UBE2H: variants seen among roughly 807,000 people sequenced by gnomAD.
UBE2H encodes ubiquitin-conjugating enzyme E2 H.
A neutral mutation model predicts 29.0 loss-of-function variants in UBE2H; 3 were observed. That is an observed-to-expected ratio of 0.10 (90% confidence interval 0.05 to 0.27). UBE2H has a LOEUF of 0.27. Ranked by LOEUF, UBE2H falls within the 10% of genes least tolerant of loss-of-function variation. The probability of loss-of-function intolerance (pLI) is 1.00; values close to 1 mark genes in which losing one functional copy is unlikely to be tolerated. For synonymous variants in UBE2H, 69 were observed against 82.9 expected (o/e 0.83, Z 0.91); for missense variants, 68 against 228.2 (o/e 0.30, Z 4.52).
At chr7:129,843,342 T>C (rs967522123) in intron 5 of UBE2H, among the ~76,000 whole-genome samples, 6 of 146,080 alleles carry the variant, frequency 4.1e-5, no homozygotes, top group Admixed American at 1.4e-4. Context: ...AATGCTTACA[T>C]AGTGCTTACT....
chr7:129,882,231 A>G (rs1035661871), intron 1 of UBE2H, among the ~76,000 whole-genome samples: 3 of 152,236 alleles, frequency 2.0e-5, no homozygotes, highest in African/African-American at 7.2e-5. Context: ...GGTAAAATCC[A>G]AAAATGATTC....
intron 3 of UBE2H, among the ~76,000 whole-genome samples, chr7:129,875,445 C>T (rs1452805998): frequency 1.3e-5 from 2 of 152,090 alleles, no homozygotes; most frequent in South Asian, 2.1e-4. Context: ...CTAAAATTTA[C>T]GTATTCTTTT....
rs1432309852 is a variant in UBE2H at position 129,890,934 on chromosome 7, A to G, written c.54-9963T>C. 4.0e-5 allele frequency among the ~76,000 whole-genome samples: 6 copies of G among 151,638 alleles called. No homozygotes were observed. The South Asian group carries it at 1.3e-3, about 32-fold the overall frequency. On this transcript the variant is annotated intron_variant, in intron 1 of 6. Transcript: ENST00000355621. Reference sequence around the variant, plus strand: ...TGGATCACAAGGTCAGGAGTTTGAGACCAGCCTGGCCAAAATAGTGAAACC... The same window carrying G: ...TGGATCACAAGGTCAGGAGTTTGAGGCCAGCCTGGCCAAAATAGTGAAACC...
rs1439419074 is a variant in UBE2H at position 129,833,810 on chromosome 7, ATGATGACCAGGC to A, written c.*1115_*1126del. 7 of 152,122 alleles carry A rather than the reference ATGATGACCAGGC, an allele frequency of 4.6e-5. No individual in the cohort carries two copies. The highest frequency in any genetic ancestry group is 7.3e-5 in the Non-Finnish European group (5 of 68,034). 9.4% of individuals were successfully genotyped at this position (152,122 alleles called of 1,614,324 possible). A position where few individuals can be genotyped will look rare whatever the true frequency, so the allele number is the denominator to read the frequency against. On this transcript the variant is annotated 3_prime_UTR_variant, in exon 7 of 7. Transcript: ENST00000355621. ...ACCCATTTCCCACTCCCACAAGCAG[ATGATGACCAGGC>A]TGCTGCCAAGAGCAGCAGAAAAAGG...
At chr7:129,950,294 T>C (rs1807848010) in intron 1 of UBE2H, among the ~76,000 whole-genome samples, 1 of 152,222 alleles carries the variant, frequency 6.6e-6, no homozygotes, top group Non-Finnish European at 1.5e-5. Flanking sequence ...TGCTTTCTTT[T>C]GTCAGAAAGG....
At chr7:129,854,060 GT>G (rs56362841) in intron 5 of UBE2H, among the ~76,000 whole-genome samples, 22,135 of 100,300 alleles carry the variant, frequency 0.22, 1,323 homozygotes, top group African/African-American at 0.33. Flanking sequence ...TTTAGTGTTA[GT>G]TTTTTTTTTT....
chr7:129,921,693 A>C (rs1308059900), intron 1 of UBE2H, among the ~76,000 whole-genome samples: 1 of 127,512 alleles, frequency 7.8e-6, no homozygotes, highest in African/African-American at 3.1e-5. Context: ...AGACTCTGTC[A>C]CAAAAAAAAA....
intron 1 of UBE2H, among the ~76,000 whole-genome samples, chr7:129,915,871 G>A (rs1021842249): frequency 9.2e-5 from 14 of 152,162 alleles, no homozygotes; most frequent in East Asian, 1.9e-4. Flanking sequence ...ACCACAGATC[G>A]TTCTTTCAAT....
At chr7:129,944,733 C>CACACAT (rs1307454527) in intron 1 of UBE2H, among the ~76,000 whole-genome samples, 1 of 146,252 alleles carries the variant, frequency 6.8e-6, no homozygotes, top group African/African-American at 2.6e-5. Flanking sequence ...CACACACACA[C>CACACAT]ACACACACAC....
chr7:129,939,317 G>A (rs994348027), intron 1 of UBE2H, among the ~76,000 whole-genome samples: 3 of 152,168 alleles, frequency 2.0e-5, no homozygotes, highest in African/African-American at 4.8e-5. Flanking sequence ...GGGACTGAAG[G>A]AATGAGCCAC....
intron 3 of UBE2H, among the ~76,000 whole-genome samples, chr7:129,863,703 A>T (rs925125295): frequency 2.6e-5 from 4 of 152,176 alleles, no homozygotes; most frequent in African/African-American, 9.6e-5. Context: ...TAAAGTAGGC[A>T]GAAACAGTTT....
chr7:129,866,316 T>C (rs1439146116), intron 3 of UBE2H, among the ~76,000 whole-genome samples: 1 of 152,224 alleles, frequency 6.6e-6, no homozygotes, highest in Non-Finnish European at 1.5e-5. Flanking sequence ...GAAAAGGTCA[T>C]TTATAACTAA....
At chr7:129,933,437 A>G (rs1168508896) in intron 1 of UBE2H, among the ~76,000 whole-genome samples, 3 of 152,218 alleles carry the variant, frequency 2.0e-5, no homozygotes, top group African/African-American at 4.8e-5. Context: ...TTACAAATGA[A>G]GTAAAGCAAG....
At chr7:129,839,609 A>T (rs1805390341) in intron 5 of UBE2H, 1 of 327,060 alleles carries the variant, frequency 3.1e-6, no homozygotes, top group Non-Finnish European at 5.6e-6. Flanking sequence ...TTATATGGCT[A>T]TTTCACACAG....
At chr7:129,906,120 A>G (rs988403194) in intron 1 of UBE2H, among the ~76,000 whole-genome samples, 3 of 152,212 alleles carry the variant, frequency 2.0e-5, no homozygotes, top group African/African-American at 7.2e-5. Flanking sequence ...CATTCAGGCA[A>G]TAATAGATGA....
intron 5 of UBE2H, among the ~76,000 whole-genome samples, chr7:129,843,176 T>A (rs1230621318): frequency 6.6e-6 from 1 of 151,580 alleles, no homozygotes; most frequent in African/African-American, 2.4e-5. Context: ...TTTTTTTGTA[T>A]TTTTAGCAGA....
chr7:129,882,996 T>C (rs1442310396), intron 1 of UBE2H, among the ~76,000 whole-genome samples: 7 of 151,716 alleles, frequency 4.6e-5, no homozygotes, highest in African/African-American at 1.7e-4. Context: ...AAGAAAAAAA[T>C]ACAAATACCC....
In UBE2H at chr7:129,932,129, C is replaced by CT. The variant is rs1436410896; in HGVS notation, c.53+20373dup. Among the ~76,000 whole-genome samples, 385 of 134,360 alleles carry CT rather than the reference C, an allele frequency of 2.9e-3. 4 individuals are homozygous for CT. Among genetic ancestry groups the CT allele is most frequent in the African/African-American group, 8.8e-3 (318 of 36,098 alleles). The allele number at this position is 134,360 out of a possible 152,430, so 88.1% of individuals were successfully genotyped here. A position where few individuals can be genotyped will look rare whatever the true frequency, so the allele number is the denominator to read the frequency against. The stretch of plus-strand genomic sequence containing the variant: ...GAGCCACTGCGCCCAGCCCACTTTG[C>CT]TTTTTTTTTTGGAGATGGAGTCTCG... On this transcript the variant is annotated intron_variant, in intron 1 of 6. Coordinates refer to ENST00000355621, the MANE Select transcript of UBE2H (RefSeq NM_003344.4).
chr7:129,883,987 T>C (rs1271928413), intron 1 of UBE2H, among the ~76,000 whole-genome samples: 2 of 151,944 alleles, frequency 1.3e-5, no homozygotes, highest in African/African-American at 2.4e-5. Flanking sequence ...TCCCAACAAC[T>C]TGGGAGGCTG....
Sources: allele counts gnomAD v4.1 joint callset (sites outside exome capture counted in the v4.1 genomes callset), GRCh38; gene constraint gnomAD v4.1.1; transcripts MANE v1.5; gene names NCBI Gene and HGNC (gene_info 2026-07-23, HGNC 2026-07-21).